Variants in CHCHD3 observed in about 807,000 individuals in gnomAD.
The protein encoded by CHCHD3 is MICOS complex subunit MIC19.
A neutral mutation model predicts 38.2 loss-of-function variants in CHCHD3; 20 were observed. That is an observed-to-expected ratio of 0.52 (90% CI 0.37 to 0.76). The LOEUF (loss-of-function observed/expected upper bound fraction) is 0.76. Among genes scored for constraint, CHCHD3 ranks in the 30% least tolerant of loss-of-function variants. CHCHD3 has a pLI of 0.00. For missense variants in CHCHD3, 245 were observed against 279.2 expected (o/e 0.88, Z 0.87); for synonymous variants, 82 against 100.0 (o/e 0.82, Z 1.07).
intron 3 of CHCHD3, among the ~76,000 whole-genome samples, chr7:132,984,213 G>A (rs887642145): frequency 4.1e-5 from 6 of 146,554 alleles, no homozygotes; most frequent in Admixed American, 2.0e-4. Flanking sequence ...CAGGCGCACG[G>A]CGCCACGCCT....
At chr7:132,951,570 G>A (rs1005781109) in intron 4 of CHCHD3, among the ~76,000 whole-genome samples, 3 of 151,968 alleles carry the variant, frequency 2.0e-5, no homozygotes, top group Non-Finnish European at 4.4e-5. Context: ...AGGTATGTAG[G>A]GTATGTAGTA....
chr7:132,957,498 T>C (rs1367121256), intron 4 of CHCHD3, among the ~76,000 whole-genome samples: 1 of 152,128 alleles, frequency 6.6e-6, no homozygotes, highest in Admixed American at 6.5e-5. Context: ...TTTCTTTTTT[T>C]TTGAGACAGA....
intron 2 of CHCHD3, among the ~76,000 whole-genome samples, chr7:133,036,817 A>T (rs1440727524): frequency 1.3e-5 from 2 of 152,234 alleles, no homozygotes; most frequent in African/African-American, 4.8e-5. Context: ...ATCCTGACTG[A>T]TGCTGTATAA....
chr7:133,046,072 T>A (rs747944266), intron 2 of CHCHD3, among the ~76,000 whole-genome samples: 1 of 152,326 alleles, frequency 6.6e-6, no homozygotes. Flanking sequence ...TGAATCTTAC[T>A]TTTTTTAGTG....
intron 4 of CHCHD3, among the ~76,000 whole-genome samples, chr7:132,969,481 G>A (rs1469620820): frequency 6.6e-6 from 1 of 152,140 alleles, no homozygotes; most frequent in East Asian, 1.9e-4. Context: ...ATGCTACACT[G>A]AAGTCAGACT....
At chr7:132,806,170 C>CA (rs1585530633) in intron 6 of CHCHD3, among the ~76,000 whole-genome samples, 2 of 152,230 alleles carry the variant, frequency 1.3e-5, no homozygotes, top group East Asian at 3.9e-4. Flanking sequence ...CTGGGGAGAC[C>CA]AGAGTTTCAC....
intron 4 of CHCHD3, among the ~76,000 whole-genome samples, chr7:132,922,856 A>T (rs1160908823): frequency 6.6e-6 from 1 of 152,182 alleles, no homozygotes; most frequent in Admixed American, 6.5e-5. Flanking sequence ...ACTTTTCTAA[A>T]TCACAACCCT....
intron 5 of CHCHD3, among the ~76,000 whole-genome samples, chr7:132,880,028 C>CTTA (rs1809013771): frequency 6.6e-6 from 1 of 152,054 alleles, no homozygotes; most frequent in Non-Finnish European, 1.5e-5. Context: ...TTTTTGAATG[C>CTTA]TTAACACTTT....
rs190887947 is a variant in CHCHD3, at chr7:133,031,968, C to G, written c.170-7341G>C. 3.1e-3 allele frequency among the ~76,000 whole-genome samples: 469 copies of G among 152,128 alleles called. 3 individuals carry two copies. The South Asian group carries it at 0.035, about 11-fold the overall frequency. On this transcript the variant is annotated intron_variant, in intron 2 of 7. Transcript: ENST00000262570. ...AATTATTGTTTAAGAAAATAATAAT[C>G]AAAGCATCCATGCAATCAATGAAAT...
At chr7:133,037,831 A>C (rs1030260058) in intron 2 of CHCHD3, among the ~76,000 whole-genome samples, 1 of 152,118 alleles carries the variant, frequency 6.6e-6, no homozygotes, top group Non-Finnish European at 1.5e-5. Context: ...AAATACATAC[A>C]TACATAAATA....
intron 4 of CHCHD3, among the ~76,000 whole-genome samples, chr7:132,965,059 ATGTGTGTG>A (rs5887603): frequency 0.016 from 2,387 of 148,532 alleles, 67 homozygotes; most frequent in African/African-American, 0.056. Flanking sequence ...TATGGGTTTT[ATGTGTGTG>A]TGTGTGTGTG....
chr7:132,982,262 T>G (rs557105874), intron 3 of CHCHD3, among the ~76,000 whole-genome samples: 1 of 152,254 alleles, frequency 6.6e-6, no homozygotes, highest in African/African-American at 2.4e-5. Context: ...CCAAAATAAA[T>G]ACATAAACAT....
At chr7:133,001,120 G>A (rs776881998) in intron 3 of CHCHD3, among the ~76,000 whole-genome samples, 2 of 152,132 alleles carry the variant, frequency 1.3e-5, no homozygotes, top group African/African-American at 2.4e-5. Flanking sequence ...TGCAAGGCCT[G>A]TGTTTAACCT....
At position 132,788,502 on chromosome 7, in the gene CHCHD3, T is replaced by TA. The variant is rs1806380482; in HGVS notation, c.661-2843dup. ...GCCACAACTTAAGGAAAGCAACAGT[T>TA]AAAGAGTGTTTTCACGAGTCTAGAG... On this transcript the variant is annotated intron_variant, in intron 7 of 7. Coordinates refer to ENST00000262570, the MANE Select transcript of CHCHD3 (RefSeq NM_017812.4). This position sits in a 1 kb window ranked among gnomAD's most constrained non-coding sequence, Gnocchi z 4.0. Among the ~76,000 whole-genome samples the TA allele has an allele frequency of 6.6e-6, 1 of 152,174 alleles. No individual in the cohort carries two copies. The highest frequency in any genetic ancestry group is 2.1e-4 in the South Asian group (1 of 4,826).
intron 6 of CHCHD3, among the ~76,000 whole-genome samples, chr7:132,830,341 C>T (rs1361503365): frequency 1.3e-5 from 2 of 152,198 alleles, no homozygotes; most frequent in African/African-American, 2.4e-5. Flanking sequence ...CACTACCTTA[C>T]ATATCCCCGA....
At chr7:132,789,221 G>C (rs1279524157) in intron 7 of CHCHD3, among the ~76,000 whole-genome samples, 6 of 152,188 alleles carry the variant, frequency 3.9e-5, no homozygotes. Context: ...AAGAATGAGG[G>C]AGAAGCTTTG....
rs756569342 is a variant in CHCHD3, at chr7:133,035,096, C to T, written c.170-10469G>A. Reference sequence around the variant, plus strand: ...GCAGGTGAGCGAAGGGGTCCTTGGCCTTGGGCTCAGCAGCCAGCGCCTGCT... The same window carrying T: ...GCAGGTGAGCGAAGGGGTCCTTGGCTTTGGGCTCAGCAGCCAGCGCCTGCT... On this transcript the variant is annotated intron_variant, in intron 2 of 7. Coordinates refer to ENST00000262570, the MANE Select transcript of CHCHD3 (RefSeq NM_017812.4). This position sits in a 1 kb window ranked among gnomAD's most constrained non-coding sequence, Gnocchi z 4.7. The T allele has an allele frequency of 8.7e-6, 14 of 1,613,612 alleles. No homozygotes were observed. The highest frequency in any genetic ancestry group is 1.0e-5 in the Non-Finnish European group (12 of 1,179,734).
At chr7:132,915,923 G>A (rs1443860826) in intron 4 of CHCHD3, among the ~76,000 whole-genome samples, 1 of 150,262 alleles carries the variant, frequency 6.7e-6, no homozygotes, top group Non-Finnish European at 1.5e-5. Context: ...TTTGTGGTGA[G>A]TTTGGTTTTT....
chr7:132,922,427 A>C (rs977828598), intron 4 of CHCHD3, among the ~76,000 whole-genome samples: 2 of 152,152 alleles, frequency 1.3e-5, no homozygotes, highest in Non-Finnish European at 2.9e-5. Context: ...AGAACACCAG[A>C]GTTTTAAAAA....
Sources: allele counts gnomAD v4.1 joint callset (sites outside exome capture counted in the v4.1 genomes callset), GRCh38; gene constraint gnomAD v4.1.1; non-coding constraint Gnocchi (gnomAD v3.1); transcripts MANE v1.5; gene names NCBI Gene and HGNC (gene_info 2026-07-23, HGNC 2026-07-21).